Variants in MEN1 observed in about 807,000 individuals in gnomAD.
MEN1 encodes menin.
Under a neutral mutation model 58.0 loss-of-function variants are expected in MEN1, and 6 were observed. The observed-to-expected ratio is 0.10, with a 90% confidence interval of 0.06 to 0.20. The LOEUF is 0.20. MEN1 is among the 10% of genes least tolerant of loss of function. The pLI, the probability that MEN1 is intolerant of heterozygous loss-of-function variation, is 1.00. For synonymous variants in MEN1, 346 were observed against 350.7 expected, an observed-to-expected ratio of 0.99 and a Z score of 0.15; for missense variants, 492 against 818.5, an observed-to-expected ratio of 0.60 and a Z score of 4.87.
In MEN1 at chr11:64,804,776, G is replaced by C. The variant is rs778728934; in HGVS notation, c.1391C>G (p.Ala464Gly). ...GCCCCACGGCTCCTCGGCCTCGGCC[G>C]CCTCGGCCTCTCGGCTCACTATGCG... The part of the protein sequence containing the change: ...KVRIVSREAE[A>G]AEAEEPWGEE... The change falls in exon 10 of 10, where the codon GCG becomes GGG. Residue 464 changes from alanine (A) to glycine (G), a missense_variant. This residue lies in a region of MEN1 where 45 missense variants were observed against 66.9 expected (regional missense o/e 0.67). Transcript: ENST00000450708. The surrounding 1 kb of genome is among the most constrained non-coding windows in gnomAD (Gnocchi z 4.2). 6.3e-7 allele frequency: 1 copy of C among 1,596,876 alleles called. No individual in the cohort carries two copies. Among genetic ancestry groups the C allele is most frequent in the South Asian group, 1.1e-5 (1 of 90,990 alleles).
At chr11:64,805,270 C>A in intron 8 of MEN1, 72 bp from the exon 9 acceptor site, 2 of 1,546,880 alleles carry the variant, frequency 1.3e-6, no homozygotes, top group Admixed American at 3.6e-5. Flanking sequence ...AGGCCAGGCC[C>A]CCCACCTAGG....
intron 2 of MEN1, 80 bp from the exon 3 acceptor site, chr11:64,808,179 C>A: frequency 7.9e-7 from 1 of 1,272,576 alleles, no homozygotes; most frequent in Non-Finnish European, 1.1e-6. Flanking sequence ...ATGGGCCACA[C>A]TCCCTCCCAC....
upstream of MEN1, chr11:64,811,266 TTGTG>T (rs1338941233): frequency 6.7e-6 from 1 of 148,208 alleles, no homozygotes; most frequent in African/African-American, 2.5e-5. Flanking sequence ...CCGCCTAATT[TTGTG>T]TGTATGTGCA....
At chr11:64,806,118 G>T in intron 7 of MEN1, 114 bp downstream of exon 7, 1 of 1,419,374 alleles carries the variant, frequency 7.0e-7, no homozygotes, top group Middle Eastern at 2.1e-4. Context: ...CCTAGGGACT[G>T]GATGGAAAGG....
rs77461664 is a variant in MEN1, at chr11:64,807,686, G to C, written c.655-6C>G. ...CCTTTCAGGTACAGCCAGCTCTTAG[G>C]GGGGGATGAGATCATTATGTCTCAT... is the stretch of plus-strand genomic sequence containing the variant. On this transcript the variant is annotated splice_region_variant and splice_polypyrimidine_tract_variant and intron_variant, in intron 3 of 9. Coordinates refer to ENST00000450708, the MANE Select transcript of MEN1 (RefSeq NM_001370259.2). The surrounding 1 kb of genome is among the most constrained non-coding windows in gnomAD (Gnocchi z 4.9). 52 of 1,613,984 alleles carry C rather than the reference G, an allele frequency of 3.2e-5. No individual in the cohort carries two copies. The highest frequency in any genetic ancestry group is 5.3e-5 in the African/African-American group (4 of 74,910).
chr11:64,803,626 C>T lies in MEN1; in HGVS notation c.*708G>A, dbSNP rs1358284019. 1.3e-5 allele frequency: 3 copies of T among 234,558 alleles called. No individual in the cohort carries two copies. Among genetic ancestry groups the T allele is most frequent in the African/African-American group, 2.2e-5 (1 of 45,310 alleles). The allele number at this position is 234,558 out of a possible 1,614,324, so 14.5% of individuals were successfully genotyped here. On this transcript the variant is annotated 3_prime_UTR_variant, in exon 10 of 10. Coordinates refer to ENST00000450708, the MANE Select transcript of MEN1 (RefSeq NM_001370259.2). The stretch of plus-strand genomic sequence containing the variant: ...CCACTCCTAACCCTCTGCAGATTTC[C>T]TCCGGGATGCTCCGAGATGGGCTGG...
In MEN1 at chr11:64,804,789, G is replaced by A. The variant is rs104894267; in HGVS notation, c.1378C>T (p.Arg460Ter). Reference sequence around the variant, plus strand: ...TCGGCCTCGGCCGCCTCGGCCTCTCGGCTCACTATGCGCACCTTCTGCCGC... The same window carrying A: ...TCGGCCTCGGCCGCCTCGGCCTCTCAGCTCACTATGCGCACCTTCTGCCGC... Reference protein sequence around the residue: ...QVRQKVRIVSREAEAAEAEEP... With the variant: ...QVRQKVRIVS The change falls in exon 10 of 10, where the codon CGA (arginine) becomes TGA (stop). Residue 460 changes from arginine (R) to a stop codon, truncating the protein, a stop_gained. Transcript: ENST00000450708. LOFTEE classifies it high-confidence loss of function. The surrounding 1 kb of genome is among the most constrained non-coding windows in gnomAD (Gnocchi z 4.2). 1 of 1,596,890 alleles carries A rather than the reference G, an allele frequency of 6.3e-7. No homozygotes were observed. Among genetic ancestry groups the A allele is most frequent in the Non-Finnish European group, 8.5e-7 (1 of 1,179,150 alleles).
chr11:64,809,590 A>T, intron 2 of MEN1, 75 bp downstream of exon 2: 1 of 1,560,852 alleles, frequency 6.4e-7, no homozygotes, highest in Non-Finnish European at 8.8e-7. Flanking sequence ...TACAGTTCTT[A>T]AAAGGGTTCT....
chr11:64,803,672 G>T lies in MEN1; in HGVS notation c.*662C>A, dbSNP rs916352656. On this transcript the variant is annotated 3_prime_UTR_variant, in exon 10 of 10. Transcript: ENST00000450708. ...GCTGGACCTCTGGGAGGTTCCCAGA[G>T]GGTCGGAAGGGAGGTCCTGCTCTGA... The T allele has an allele frequency of 4.2e-6, 1 of 235,966 alleles. No individual in the cohort carries two copies. Among genetic ancestry groups the T allele is most frequent in the African/African-American group, 2.2e-5 (1 of 45,304 alleles). 14.6% of individuals were successfully genotyped at this position (235,966 alleles called of 1,614,324 possible).
chr11:64,805,289 C>A (rs1305724130), intron 8 of MEN1, 91 bp from the exon 9 acceptor site: 2 of 1,446,734 alleles, frequency 1.4e-6, no homozygotes, highest in Non-Finnish European at 1.9e-6. Context: ...GGCAAAGACC[C>A]CTGGCTCCAG....
Position 64,807,194 on chromosome 11 carries a change from A to T in MEN1, c.809T>A (p.Leu270Gln), listed in dbSNP as rs1592647333. The T allele has an allele frequency of 1.9e-6, 3 of 1,613,954 alleles. No homozygotes were observed. Among genetic ancestry groups the T allele is most frequent in the Non-Finnish European group, 2.5e-6 (3 of 1,179,964 alleles). Residue 270 changes from leucine to glutamine, a missense_variant, in exon 5 of 10, where the codon CTG becomes CAG. Transcript: ENST00000450708. The surrounding 1 kb of genome is among the most constrained non-coding windows in gnomAD (Gnocchi z 4.9). The part of the protein sequence containing the change: ...QQKLLWLLYD[L>Q]GHLERYPMAL... ...CTCTACTGACCTTTCCAGATGTCCC[A>T]GGTCATAGAGCAGCCAGAGCAGCTT... is the stretch of plus-strand genomic sequence containing the variant.
Position 64,804,314 on chromosome 11 carries a change from G to T in MEN1, c.*20C>A, listed in dbSNP as rs746452984. ...GGGCGGAGCCTGGGTCCCCACAAGC[G>T]GTCCGAAGTCCCCAGTAGTTCAGAG... is the stretch of plus-strand genomic sequence containing the variant. On this transcript the variant is annotated 3_prime_UTR_variant, in exon 10 of 10. Coordinates refer to ENST00000450708, the MANE Select transcript of MEN1 (RefSeq NM_001370259.2). This position sits in a 1 kb window ranked among gnomAD's most constrained non-coding sequence, Gnocchi z 4.2. 1.2e-6 allele frequency: 2 copies of T among 1,614,100 alleles called. No individual in the cohort carries two copies. Among genetic ancestry groups the T allele is most frequent in the East Asian group, 4.5e-5 (2 of 44,884 alleles).
At chr11:64,805,951 G>A (rs1235095113) in intron 7 of MEN1, 181 bp from the exon 8 acceptor site, 3 of 695,506 alleles carry the variant, frequency 4.3e-6, no homozygotes, top group African/African-American at 1.8e-5. Context: ...GGGGGCATGG[G>A]GCCGAGGGTG....
Position 64,806,264 on chromosome 11 carries a change from C to T in MEN1, c.1017G>A (p.Gln339=). ...TGACAGTGGCCGTGTCCGCCCAGGC[C>T]TGCAGGGCTTCCCGCACATTGCGGT... ...CRNRNVREAL[Q]AWADTATVIQ... The change falls in exon 7 of 10, where the codon CAG becomes CAA. Residue 339 remains glutamine, a synonymous_variant. Coordinates refer to ENST00000450708, the MANE Select transcript of MEN1 (RefSeq NM_001370259.2). The T allele has an allele frequency of 6.2e-7, 1 of 1,614,224 alleles. No individual in the cohort carries two copies. The highest frequency in any genetic ancestry group is 8.5e-7 in the Non-Finnish European group (1 of 1,180,016).
rs1256611314 is a variant in MEN1 at position 64,804,221 on chromosome 11, T to C, written c.*113A>G. ...GTACTCGGGACCGGGAACCTAGGGT[T>C]TGGGTAGAGGTGAGGCCTGTCCCCT... On this transcript the variant is annotated 3_prime_UTR_variant, in exon 10 of 10. Transcript: ENST00000450708. This position sits in a 1 kb window ranked among gnomAD's most constrained non-coding sequence, Gnocchi z 4.2. 1.4e-5 allele frequency: 19 copies of C among 1,398,104 alleles called. No individual in the cohort carries two copies. The East Asian group carries it at 3.6e-4, about 27-fold the overall frequency. 86.6% of individuals were successfully genotyped at this position (1,398,104 alleles called of 1,614,324 possible).
rs878855190 is a variant in MEN1 at position 64,804,766 on chromosome 11, G to A, written c.1401C>T (p.Ala467=). The part of the protein sequence containing the change: ...IVSREAEAAE[A]EEPWGEEARE... Reference sequence around the variant, plus strand: ...GGGCTTCCTCGCCCCACGGCTCCTCGGCCTCGGCCGCCTCGGCCTCTCGGC... The same window carrying A: ...GGGCTTCCTCGCCCCACGGCTCCTCAGCCTCGGCCGCCTCGGCCTCTCGGC... The change falls in exon 10 of 10, where the codon GCC becomes GCT. Residue 467 remains alanine, a synonymous_variant. Coordinates refer to ENST00000450708, the MANE Select transcript of MEN1 (RefSeq NM_001370259.2). This position sits in a 1 kb window ranked among gnomAD's most constrained non-coding sequence, Gnocchi z 4.2. 24 of 1,596,614 alleles carry A rather than the reference G, an allele frequency of 1.5e-5. No homozygotes were observed. Among genetic ancestry groups the A allele is most frequent in the African/African-American group, 5.3e-5 (4 of 74,836 alleles).
rs1289898067 is a variant in MEN1, at chr11:64,805,169, C to T, written c.1215G>A (p.Gln405=). 1 of 1,613,854 alleles carries T rather than the reference C, an allele frequency of 6.2e-7. No homozygotes were observed. Among genetic ancestry groups the T allele is most frequent in the East Asian group, 2.2e-5 (1 of 44,898 alleles). The part of the protein sequence containing the change: ...QGTQSQGSAL[Q]DPECFAHLLR... ...GCAGGTGGGCGAAGCACTCAGGGTC[C>T]TGGAGGGCGGAACCTTGGCTCTGGG... is the stretch of plus-strand genomic sequence containing the variant. The change falls in exon 9 of 10, where the codon CAG becomes CAA. Residue 405 remains glutamine, a synonymous_variant. Transcript: ENST00000450708.
Position 64,804,248 on chromosome 11 carries a change from T to G in MEN1, c.*86A>C. 1 of 1,580,790 alleles carries G rather than the reference T, an allele frequency of 6.3e-7. No homozygotes were observed. Among genetic ancestry groups the G allele is most frequent in the Non-Finnish European group, 8.7e-7 (1 of 1,152,314 alleles). ...GGGTAGAGGTGAGGCCTGTCCCCTT[T>G]GGGCTGGGGGCAGAACATGGGCTCA... On this transcript the variant is annotated 3_prime_UTR_variant, in exon 10 of 10. Coordinates refer to ENST00000450708, the MANE Select transcript of MEN1 (RefSeq NM_001370259.2). This position sits in a 1 kb window ranked among gnomAD's most constrained non-coding sequence, Gnocchi z 4.2.
At chr11:64,805,237 A>T in intron 8 of MEN1, 39 bp from the exon 9 acceptor site, 1 of 1,607,558 alleles carries the variant, frequency 6.2e-7, no homozygotes, top group Non-Finnish European at 8.5e-7. Context: ...TCAGTCTCTT[A>T]CTCACCCCTT....
Sources: gnomAD v4.1 joint callset for allele counts on GRCh38, gnomAD v4.1.1 for gene constraint, gnomAD v4.1.1 regional missense constraint, Gnocchi (gnomAD v3.1) non-coding constraint, MANE v1.5 for transcripts, NCBI Gene and HGNC (gene_info 2026-07-23, HGNC 2026-07-21) for gene names.